The following EIF2S3B variants were observed in gnomAD, a reference collection of about 807,000 sequenced individuals.
EIF2S3B encodes eukaryotic translation initiation factor 2 subunit gamma B.
EIF2S3B carries 16 observed loss-of-function variants against 26.4 expected under a neutral mutation model. The ratio of observed to expected loss-of-function variants is 0.61; its 90% CI spans 0.41 to 0.92. The LOEUF is 0.92. Among genes scored for constraint, EIF2S3B ranks in the 40% least tolerant of loss-of-function variants. The probability of loss-of-function intolerance (pLI) is 0.00; values close to 1 mark genes in which losing one functional copy is unlikely to be tolerated. For synonymous variants in EIF2S3B, 183 were observed against 204.4 expected (o/e 0.90, Z 0.89); for missense variants, 510 against 575.5 (o/e 0.89, Z 1.16).
chr12:10,513,069 G>A (rs1047841864), downstream of EIF2S3B, among the ~76,000 whole-genome samples: 9 of 151,992 alleles, frequency 5.9e-5, no homozygotes, highest in African/African-American at 2.2e-4. Context: ...ACTCCTTCCC[G>A]TCCTCCTACC....
intron 1 of EIF2S3B, among the ~76,000 whole-genome samples, chr12:10,520,867 A>G (rs1368915092): frequency 6.6e-6 from 1 of 152,192 alleles, no homozygotes. Flanking sequence ...AAAAAGTGAA[A>G]TAAAGTAACC....
At chr12:10,522,966 C>T (rs747699012) in exon 2 of EIF2S3B, 1 of 232,114 alleles carries the variant, frequency 4.3e-6, no homozygotes, top group Non-Finnish European at 8.5e-6. Context: ...TTTATATACA[C>T]ATAAACATGT....
At chr12:10,511,838 T>G (rs148943849), downstream of EIF2S3B, among the ~76,000 whole-genome samples, 24 of 151,700 alleles carry the variant, frequency 1.6e-4, no homozygotes, top group African/African-American at 5.8e-4. Context: ...TAGCAATTTC[T>G]TCCAAAAAGT....
rs765480041 is a variant in EIF2S3B at position 10,505,952 on chromosome 12, G to C, written c.50G>C (p.Arg17Pro). ...ACTCTGGGGCAGCCGCACCTTTCGC[G>C]TCAGGATCTCACCACCTTGGATGTT... ...GVTLGQPHLS[R>P]QDLTTLDVTK... is the part of the protein sequence containing the mutation. Residue 17 changes from arginine to proline, a missense_variant, in exon 1 of 1, where the codon CGT (arginine) becomes CCT (proline). Transcript: ENST00000538173. 1 of 1,603,790 alleles carries C rather than the reference G, an allele frequency of 6.2e-7. No homozygotes were observed.
At chr12:10,513,925 G>T (rs1864729602) in intron 1 of EIF2S3B, among the ~76,000 whole-genome samples, 1 of 152,242 alleles carries the variant, frequency 6.6e-6, no homozygotes, top group East Asian at 1.9e-4. Flanking sequence ...TGAGACAGGA[G>T]AATCACTTGA....
At chr12:10,517,992 C>G (rs1351160013) in intron 1 of EIF2S3B, among the ~76,000 whole-genome samples, 11 of 150,886 alleles carry the variant, frequency 7.3e-5, no homozygotes, top group African/African-American at 2.7e-4. Flanking sequence ...GTTATAATTT[C>G]TGTTCTTTTA....
chr12:10,507,764 T>G lies in EIF2S3B; in HGVS notation c.*443T>G, dbSNP rs538010019. On this transcript the variant is annotated 3_prime_UTR_variant, in exon 1 of 1. Coordinates refer to ENST00000538173, the MANE Select transcript of EIF2S3B (RefSeq NM_001357734.3). ...TGTGCCACCACACGGGGCTAATTTT[T>G]GTATTAGTAGAGACGGGGTTTCGGC... is the stretch of plus-strand genomic sequence containing the variant. Among the ~76,000 whole-genome samples the G allele has an allele frequency of 4.6e-5, 7 of 152,220 alleles. No individual in the cohort carries two copies. In the East Asian group the frequency reaches 1.4e-3, roughly 29 times the overall value.
rs1410955985 is a variant in EIF2S3B, at chr12:10,506,416, G to T, written c.514G>T (p.Glu172Ter). ...ATCTTGCCCTCAGCCTCAGACATCTGAACACCTGGCTGCTATAGAGATCAT... is the reference window on the plus strand; with the variant it reads ...ATCTTGCCCTCAGCCTCAGACATCTTAACACCTGGCTGCTATAGAGATCAT... ...NESCPQPQTSEHLAAIEIMKL... is the reference protein window; with the variant it reads ...NESCPQPQTS Residue 172 changes from glutamate (E) to a stop codon, truncating the protein, a stop_gained, in exon 1 of 1, where the codon GAA becomes TAA. Coordinates refer to ENST00000538173, the MANE Select transcript of EIF2S3B (RefSeq NM_001357734.3). LOFTEE classifies it high-confidence loss of function. 1.9e-5 allele frequency: 30 copies of T among 1,613,732 alleles called. No individual in the cohort carries two copies. The highest frequency in any genetic ancestry group is 2.5e-5 in the Non-Finnish European group (29 of 1,179,770).
intron 1 of EIF2S3B, among the ~76,000 whole-genome samples, chr12:10,517,561 G>C (rs977631408): frequency 1.9e-4 from 29 of 152,026 alleles, no homozygotes; most frequent in Admixed American, 6.6e-4. Context: ...CAAAAAACCA[G>C]CTCCTGGATC....
intron 1 of EIF2S3B, among the ~76,000 whole-genome samples, chr12:10,514,292 T>C (rs1408324690): frequency 1.3e-5 from 2 of 152,102 alleles, no homozygotes; most frequent in Admixed American, 6.6e-5. Flanking sequence ...AAATGTTGAC[T>C]TATCCTAAAG....
At chr12:10,509,796 T>C (rs947335184), downstream of EIF2S3B, among the ~76,000 whole-genome samples, 4 of 151,972 alleles carry the variant, frequency 2.6e-5, no homozygotes, top group African/African-American at 9.7e-5. Context: ...CATGCATACA[T>C]CCATGAGAAG....
At chr12:10,514,441 T>A (rs1009744315) in intron 1 of EIF2S3B, among the ~76,000 whole-genome samples, 62 of 152,168 alleles carry the variant, frequency 4.1e-4, no homozygotes, top group African/African-American at 1.4e-3. Context: ...ACAATTTATA[T>A]ATCCAGTCTA....
downstream of EIF2S3B, among the ~76,000 whole-genome samples, chr12:10,511,267 T>G (rs1459944416): frequency 6.6e-6 from 1 of 152,138 alleles, no homozygotes; most frequent in Non-Finnish European, 1.5e-5. Flanking sequence ...CTTTATATTA[T>G]AAAGTTAATA....
chr12:10,518,283 T>A (rs1443928193), intron 1 of EIF2S3B, among the ~76,000 whole-genome samples: 1 of 152,206 alleles, frequency 6.6e-6, no homozygotes, highest in Admixed American at 6.6e-5. Context: ...TTTATGAATC[T>A]GGGTGCTCCT....
At chr12:10,520,876 C>T (rs1017489814) in intron 1 of EIF2S3B, among the ~76,000 whole-genome samples, 1 of 152,102 alleles carries the variant, frequency 6.6e-6, no homozygotes, top group South Asian at 2.1e-4. Flanking sequence ...AATAAAGTAA[C>T]CATTTGTCAG....
intron 1 of EIF2S3B, among the ~76,000 whole-genome samples, chr12:10,519,096 T>C (rs1864800099): frequency 6.6e-6 from 1 of 151,600 alleles, no homozygotes; most frequent in Non-Finnish European, 1.5e-5. Context: ...TCACGCTACC[T>C]GACTTCAAAC....
chr12:10,522,145 C>T (rs974386943), intron 1 of EIF2S3B, among the ~76,000 whole-genome samples: 41 of 152,132 alleles, frequency 2.7e-4, no homozygotes, highest in Non-Finnish European at 5.7e-4. Flanking sequence ...CTTTCTCATC[C>T]TTTTAAGTAT....
chr12:10,521,145 G>A (rs1864827345), intron 1 of EIF2S3B, among the ~76,000 whole-genome samples: 2 of 152,106 alleles, frequency 1.3e-5, no homozygotes, highest in Admixed American at 6.6e-5. Context: ...ACCATATTAT[G>A]ATACTGAATT....
At chr12:10,518,582 A>T (rs1424465559) in intron 1 of EIF2S3B, among the ~76,000 whole-genome samples, 1 of 152,026 alleles carries the variant, frequency 6.6e-6, no homozygotes, top group Non-Finnish European at 1.5e-5. Context: ...TTTTAATTGG[A>T]GCATTTAGCC....
Sources: allele counts gnomAD v4.1 joint callset (sites outside exome capture counted in the v4.1 genomes callset), GRCh38; gene constraint gnomAD v4.1.1; transcripts MANE v1.5; gene names NCBI Gene and HGNC (gene_info 2026-07-23, HGNC 2026-07-21).